The following ABCC1 variants were observed in gnomAD, a reference collection of about 807,000 sequenced individuals.
ABCC1 encodes the protein multidrug resistance-associated protein 1.
In ABCC1, 83 loss-of-function variants were observed where a neutral mutation model predicts 172.9. The observed-to-expected ratio is 0.48, with a 90% CI of 0.40 to 0.58. ABCC1 has a LOEUF of 0.58. ABCC1 is among the 20% of genes least tolerant of loss of function. ABCC1 has a pLI of 0.00. For synonymous variants in ABCC1, 937 were observed against 825.2 expected, an observed-to-expected ratio of 1.14 and a Z score of -2.32; for missense variants, 1,817 against 2,002.7, an observed-to-expected ratio of 0.91 and a Z score of 1.77.
chr16:16,022,318 C>G (rs982975790), intron 5 of ABCC1, among the ~76,000 whole-genome samples: 6 of 152,148 alleles, frequency 3.9e-5, no homozygotes, highest in Non-Finnish European at 7.4e-5. Flanking sequence ...ATCTGTCCTT[C>G]TGGCTCTGGG....
At chr16:16,139,611 CAA>C (rs386384360) in intron 30 of ABCC1, among the ~76,000 whole-genome samples, 7 of 57,330 alleles carry the variant, frequency 1.2e-4, no homozygotes, top group Non-Finnish European at 2.0e-4. Flanking sequence ...GACTCCATCT[CAA>C]AAAAAAAAAA....
chr16:16,121,027 A>G (rs989933655), intron 23 of ABCC1, among the ~76,000 whole-genome samples: 1 of 152,132 alleles, frequency 6.6e-6, no homozygotes, highest in African/African-American at 2.4e-5. Flanking sequence ...AGAAACAGCT[A>G]TTTCCTGTGG....
chr16:16,076,440 A>C, intron 15 of ABCC1, 39 bp downstream of exon 15: 5 of 1,545,334 alleles, frequency 3.2e-6, no homozygotes, highest in Middle Eastern at 1.7e-4. Flanking sequence ...GTGTGGAGAG[A>C]GCCACAGGGC....
intron 12 of ABCC1, among the ~76,000 whole-genome samples, chr16:16,061,246 A>C (rs17287570): frequency 0.16 from 24,890 of 152,162 alleles, 2,318 homozygotes; most frequent in Middle Eastern, 0.29. Flanking sequence ...ATAAAGTAGG[A>C]AGTAATGTAT....
chr16:15,990,469 C>G (rs2046834588), intron 1 of ABCC1, among the ~76,000 whole-genome samples: 1 of 152,136 alleles, frequency 6.6e-6, no homozygotes, highest in Admixed American at 6.6e-5. Context: ...TGACCAACAC[C>G]TCCCTGTTTC....
intron 1 of ABCC1, among the ~76,000 whole-genome samples, chr16:15,988,895 C>G (rs2046799021): frequency 6.6e-6 from 1 of 151,718 alleles, no homozygotes; most frequent in African/African-American, 2.4e-5. Context: ...TAGCAAGGCC[C>G]CATCTCTGGA....
At chr16:16,132,366 G>T (rs1322311325) in intron 27 of ABCC1, among the ~76,000 whole-genome samples, 1 of 150,692 alleles carries the variant, frequency 6.6e-6, no homozygotes, top group Non-Finnish European at 1.5e-5. Flanking sequence ...AGAGATGGGG[G>T]TCCTACTATG....
intron 1 of ABCC1, among the ~76,000 whole-genome samples, chr16:15,995,345 A>C (rs770528111): frequency 6.6e-6 from 1 of 152,180 alleles, no homozygotes; most frequent in South Asian, 2.1e-4. Context: ...TAGACAGAAG[A>C]AGGCGGCACA....
chr16:16,119,454 G>A (rs10775291), intron 23 of ABCC1, among the ~76,000 whole-genome samples: 109,366 of 151,804 alleles, frequency 0.72, 42,594 homozygotes, highest in Non-Finnish European at 0.87. Context: ...ACATCAGATC[G>A]GCAGGGCAGG....
rs1324199028 is a variant in ABCC1 at position 16,142,856 on chromosome 16, A to G, written c.*1575A>G. The G allele has an allele frequency of 2.0e-5, 3 of 152,606 alleles. No individual in the cohort carries two copies. The highest frequency in any genetic ancestry group is 3.2e-3 in the Middle Eastern group (1 of 316). 9.5% of individuals were successfully genotyped at this position (152,606 alleles called of 1,614,324 possible). ...GGCAGCCAGAGCTGAGGCTGCCCCA[A>G]GACTCAGACTTGCTAAGAATTACGC... is the stretch of plus-strand genomic sequence containing the variant. On this transcript the variant is annotated 3_prime_UTR_variant, in exon 31 of 31. Coordinates refer to ENST00000399410, the MANE Select transcript of ABCC1 (RefSeq NM_004996.4).
At chr16:15,979,288 TCAAA>T (rs751137467) in intron 1 of ABCC1, among the ~76,000 whole-genome samples, 29 of 151,944 alleles carry the variant, frequency 1.9e-4, no homozygotes, top group African/African-American at 4.8e-4. Context: ...AGACTCTGTC[TCAAA>T]CAAACAAACA....
In ABCC1 at chr16:16,071,696, C is replaced by T. The variant is rs1452821953; in HGVS notation, c.1879C>T (p.Pro627Ser). The change falls in exon 14 of 31, where the codon CCT becomes TCT. Residue 627 changes from proline to serine, a missense_variant. Pro to Ser is a moderately conservative substitution (Grantham distance 74, BLOSUM62 -1). Around this residue, in one of 3 missense-constraint regions of ABCC1, gnomAD observed 1,412 missense variants for 1,600.3 expected, o/e 0.88. Transcript: ENST00000399410. ...CTTTCTCTCCCATGAGGAGCTGGAA[C>T]CTGACAGCATCGAGCGACGGCCTGT... ...RIFLSHEELE[P>S]DSIERRPVKD... is the part of the protein sequence containing the mutation. The T allele has an allele frequency of 1.2e-6, 2 of 1,614,008 alleles. No homozygotes were observed. Among genetic ancestry groups the T allele is most frequent in the African/African-American group, 1.3e-5 (1 of 75,060 alleles).
intron 20 of ABCC1, among the ~76,000 whole-genome samples, chr16:16,106,160 A>C (rs2052089106): frequency 6.6e-6 from 1 of 152,074 alleles, no homozygotes; most frequent in Non-Finnish European, 1.5e-5. Context: ...TACAGGTGTG[A>C]GCCACTGCAC....
At chr16:16,016,692 C>T (rs2048013553) in intron 5 of ABCC1, 71 bp downstream of exon 5, 1 of 1,588,396 alleles carries the variant, frequency 6.3e-7, no homozygotes, top group Admixed American at 1.7e-5. Context: ...TACCAGCTAA[C>T]ATTTCTTAGA....
intron 29 of ABCC1, 62 bp downstream of exon 29, chr16:16,136,706 T>A: frequency 6.4e-7 from 1 of 1,555,614 alleles, no homozygotes; most frequent in Middle Eastern, 1.7e-4. Flanking sequence ...TCGGTAGGGG[T>A]GTTTGAAGAT....
chr16:16,006,388 A>C (rs1425256741), intron 1 of ABCC1, among the ~76,000 whole-genome samples: 1 of 151,908 alleles, frequency 6.6e-6, no homozygotes, highest in East Asian at 1.9e-4. Context: ...ACCACACTTC[A>C]GCCTGGGCAA....
At chr16:16,013,000 C>G (rs372620350) in intron 3 of ABCC1, among the ~76,000 whole-genome samples, 3 of 151,992 alleles carry the variant, frequency 2.0e-5, no homozygotes, top group Non-Finnish European at 4.4e-5. Flanking sequence ...GTCTTTTGAT[C>G]GTTCATTTAT....
At chr16:16,016,028 A>T (rs763522724) in intron 4 of ABCC1, among the ~76,000 whole-genome samples, 3 of 151,794 alleles carry the variant, frequency 2.0e-5, no homozygotes, top group Admixed American at 6.6e-5. Context: ...CAGTGAGACT[A>T]CCCGTGATGG....
chr16:16,070,832 C>G (rs896382124), intron 13 of ABCC1, among the ~76,000 whole-genome samples: 1 of 152,172 alleles, frequency 6.6e-6, no homozygotes, highest in African/African-American at 2.4e-5. Context: ...AAGCAAATCT[C>G]AGACCCCTTA....
Sources: gnomAD v4.1 joint callset for allele counts (sites outside exome capture counted in the v4.1 genomes callset) on GRCh38, gnomAD v4.1.1 for gene constraint, gnomAD v4.1.1 regional missense constraint, MANE v1.5 for transcripts, NCBI Gene and HGNC (gene_info 2026-07-23, HGNC 2026-07-21) for gene names.